The following EPHA6 variants were observed in gnomAD, a reference collection of about 807,000 sequenced individuals.
EPHA6 encodes ephrin type-A receptor 6.
Under a neutral mutation model 112.0 loss-of-function variants are expected in EPHA6, and 50 were observed. The ratio of observed to expected loss-of-function variants is 0.45; its 90% CI spans 0.36 to 0.56. The LOEUF (loss-of-function observed/expected upper bound fraction) is 0.56. Ranked by LOEUF, EPHA6 falls within the 20% of genes least tolerant of loss-of-function variation. The pLI, the probability that EPHA6 is intolerant of heterozygous loss-of-function variation, is 0.00. For synonymous variants in EPHA6, 529 were observed against 490.7 expected, an observed-to-expected ratio of 1.08 and a Z score of -1.03; for missense variants, 1,280 against 1,417.4, an observed-to-expected ratio of 0.90 and a Z score of 1.56.
At chr3:97,238,790 G>A (rs1012877932) in intron 4 of EPHA6, among the ~76,000 whole-genome samples, 2 of 151,720 alleles carry the variant, frequency 1.3e-5, no homozygotes, top group African/African-American at 4.8e-5. Flanking sequence ...AGCAAAAGGC[G>A]GTAAAGGCAA....
chr3:97,649,836 C>G (rs1372572697), intron 14 of EPHA6, among the ~76,000 whole-genome samples: 1 of 151,600 alleles, frequency 6.6e-6, no homozygotes, highest in South Asian at 2.1e-4. Context: ...TCAATCAAAA[C>G]CAGTCAAATG....
intron 3 of EPHA6, among the ~76,000 whole-genome samples, chr3:97,182,720 C>G (rs1480382246): frequency 6.6e-6 from 1 of 152,090 alleles, no homozygotes; most frequent in African/African-American, 2.4e-5. Context: ...ACCTTTAAGA[C>G]AGATGATGTT....
chr3:97,325,142 TG>T (rs1576969842), intron 5 of EPHA6, among the ~76,000 whole-genome samples: 1 of 152,154 alleles, frequency 6.6e-6, no homozygotes, highest in East Asian at 1.9e-4. Flanking sequence ...AACTGTAAAA[TG>T]GGGATAATAA....
At position 97,755,145 on chromosome 3, in the gene EPHA6, C is replaced by T. The variant is rs2035996767; in HGVS notation, c.*6444C>T. Among the ~76,000 whole-genome samples the T allele has an allele frequency of 6.6e-6, 1 of 152,104 alleles. No individual in the cohort carries two copies. Among genetic ancestry groups the T allele is most frequent in the Admixed American group, 6.6e-5 (1 of 15,264 alleles). On this transcript the variant is annotated 3_prime_UTR_variant, in exon 18 of 18. Coordinates refer to ENST00000389672, the MANE Select transcript of EPHA6 (RefSeq NM_001080448.3). ...GAAAGTCTCAAAGAATTCCATTACC[C>T]TTAGACACAACTAATTCATTCCTCA...
chr3:97,206,970 A>G (rs1311592434), intron 3 of EPHA6, among the ~76,000 whole-genome samples: 1 of 152,172 alleles, frequency 6.6e-6, no homozygotes, highest in African/African-American at 2.4e-5. Flanking sequence ...AAATTAAAAT[A>G]TGTAGTCAAA....
chr3:96,945,982 CT>C (rs1297237223), intron 2 of EPHA6, among the ~76,000 whole-genome samples: 1 of 152,116 alleles, frequency 6.6e-6, no homozygotes, highest in East Asian at 1.9e-4. Flanking sequence ...TCTCCATGCT[CT>C]GCTTGTTCAT....
intron 3 of EPHA6, among the ~76,000 whole-genome samples, chr3:97,029,232 T>G (rs1417323358): frequency 6.6e-6 from 1 of 151,724 alleles, no homozygotes; most frequent in East Asian, 1.9e-4. Context: ...AAAATTATTT[T>G]CTAAATTCCA....
At chr3:97,539,909 A>T (rs1364012583) in intron 11 of EPHA6, among the ~76,000 whole-genome samples, 1 of 152,168 alleles carries the variant, frequency 6.6e-6, no homozygotes, top group Non-Finnish European at 1.5e-5. Flanking sequence ...TGACCAGGAA[A>T]TAATAGAAAG....
intron 3 of EPHA6, among the ~76,000 whole-genome samples, chr3:97,114,632 T>C (rs2108289721): frequency 6.6e-6 from 1 of 152,214 alleles, no homozygotes; most frequent in South Asian, 2.1e-4. Context: ...TTAAGACATA[T>C]ATAGCATTCT....
At chr3:96,963,094 G>A (rs1234076541) in intron 2 of EPHA6, among the ~76,000 whole-genome samples, 1 of 151,092 alleles carries the variant, frequency 6.6e-6, no homozygotes, top group African/African-American at 2.4e-5. Context: ...CTCAGGATGC[G>A]GAGGTTGCAG....
intron 3 of EPHA6, among the ~76,000 whole-genome samples, chr3:97,197,840 T>A (rs1331232552): frequency 6.6e-6 from 1 of 152,056 alleles, no homozygotes; most frequent in East Asian, 1.9e-4. Context: ...TACCAGGAAC[T>A]CAGGCTCTGA....
intron 3 of EPHA6, among the ~76,000 whole-genome samples, chr3:97,022,084 G>A (rs188155869): frequency 1.6e-4 from 25 of 152,196 alleles, no homozygotes; most frequent in African/African-American, 6.0e-4. Context: ...TTGAATAAAT[G>A]TTTTCTTCTA....
chr3:96,964,090 A>T (rs905731021), intron 2 of EPHA6, among the ~76,000 whole-genome samples: 9 of 152,256 alleles, frequency 5.9e-5, no homozygotes, highest in Admixed American at 3.3e-4. Context: ...TGGGTATGTA[A>T]TGCATAGTAA....
At chr3:96,984,606 A>C (rs898293872) in intron 2 of EPHA6, among the ~76,000 whole-genome samples, 3 of 152,172 alleles carry the variant, frequency 2.0e-5, no homozygotes, top group African/African-American at 7.2e-5. Context: ...TTAAGTCTGC[A>C]GAGGTTTCTG....
Position 97,758,549 on chromosome 3 carries a change from A to C in EPHA6, c.*9848A>C, listed in dbSNP as rs1436313703. Among the ~76,000 whole-genome samples, 3 of 151,986 alleles carry C rather than the reference A, an allele frequency of 2.0e-5. No individual in the cohort carries two copies. Among genetic ancestry groups the C allele is most frequent in the African/African-American group, 7.2e-5 (3 of 41,420 alleles). On this transcript the variant is annotated 3_prime_UTR_variant, in exon 18 of 18. Coordinates refer to ENST00000389672, the MANE Select transcript of EPHA6 (RefSeq NM_001080448.3). ...GTCCTGTTCGAAGCACTGAGGATAC[A>C]TGGTGACCAAGACAAGCAAAGTCCC...
chr3:97,102,267 C>G (rs535158286), intron 3 of EPHA6, among the ~76,000 whole-genome samples: 2 of 152,172 alleles, frequency 1.3e-5, no homozygotes, highest in East Asian at 3.9e-4. Context: ...CTTGGATTCT[C>G]TATCCCAGAC....
chr3:97,518,855 G>GT (rs918165086), intron 10 of EPHA6, among the ~76,000 whole-genome samples: 10 of 151,548 alleles, frequency 6.6e-5, no homozygotes, highest in Admixed American at 3.9e-4. Flanking sequence ...GTTTTGTTTT[G>GT]TTTTTTGGGT....
At chr3:97,496,562 A>G (rs945444885) in intron 10 of EPHA6, among the ~76,000 whole-genome samples, 3 of 152,178 alleles carry the variant, frequency 2.0e-5, no homozygotes, top group Non-Finnish European at 4.4e-5. Context: ...CTTTATATTT[A>G]TGAAGCCATA....
chr3:97,646,022 A>G (rs2094058334), intron 14 of EPHA6: 1 of 873,990 alleles, frequency 1.1e-6, no homozygotes. Flanking sequence ...CAAGAAAAAA[A>G]TATCTTTAGA....
Sources: gnomAD v4.1 joint callset for allele counts (sites outside exome capture counted in the v4.1 genomes callset) on GRCh38, gnomAD v4.1.1 for gene constraint, MANE v1.5 for transcripts, NCBI Gene and HGNC (gene_info 2026-07-23, HGNC 2026-07-21) for gene names.